HS3ST3B1: variants seen among roughly 807,000 people sequenced by gnomAD.
The protein encoded by HS3ST3B1 is heparan sulfate-glucosamine 3-sulfotransferase 3B1, also known as heparan sulfate glucosamine 3-O-sulfotransferase 3B1.
HS3ST3B1 carries 13 observed loss-of-function variants against 21.3 expected under a neutral mutation model. The observed-to-expected ratio is 0.61, with a 90% CI of 0.40 to 0.97. The LOEUF (loss-of-function observed/expected upper bound fraction) is 0.97. Among genes scored for constraint, HS3ST3B1 ranks in the 50% least tolerant of loss-of-function variants. The probability of loss-of-function intolerance (pLI) is 0.00; values close to 1 mark genes in which losing one functional copy is unlikely to be tolerated. For missense variants in HS3ST3B1, 459 were observed against 554.8 expected (o/e 0.83, Z 1.73); for synonymous variants, 234 against 254.8 (o/e 0.92, Z 0.78).
At chr17:14,322,814 G>A (rs1048727788) in intron 1 of HS3ST3B1, among the ~76,000 whole-genome samples, 2 of 151,624 alleles carry the variant, frequency 1.3e-5, no homozygotes, top group African/African-American at 4.8e-5. Context: ...CTGCTGGGCT[G>A]TGCCAAGGCT....
chr17:14,303,310 G>A lies in HS3ST3B1; in HGVS notation c.554+1238G>A, dbSNP rs113186063. On this transcript the variant is annotated intron_variant, in intron 1 of 1. Coordinates refer to ENST00000360954, the MANE Select transcript of HS3ST3B1 (RefSeq NM_006041.3). This position sits in a 1 kb window ranked among gnomAD's most constrained non-coding sequence, Gnocchi z 5.7. ...AAGATAACTGAACCCCTCTCCCTGT[G>A]CCCACCCCACTGTCGGGACCTGGGT... Among the ~76,000 whole-genome samples, 443 of 152,316 alleles carry A rather than the reference G, an allele frequency of 2.9e-3. 5 individuals carry two copies. Among genetic ancestry groups the A allele is most frequent in the African/African-American group, 0.01 (419 of 41,564 alleles).
intron 1 of HS3ST3B1, among the ~76,000 whole-genome samples, chr17:14,333,481 CAAA>C (rs140666601): frequency 6.7e-6 from 1 of 148,536 alleles, no homozygotes. Flanking sequence ...AAAAAAACAA[CAAA>C]AAAAAACAGA....
At position 14,301,895 on chromosome 17, in the gene HS3ST3B1, C is replaced by A; in HGVS notation, c.377C>A (p.Ser126Tyr). ...GTGCCGGACTCCCCAAGCCCCATCT[C>A]CAGCTTTTTCAGTGGGTCTGGGAGC... The part of the protein sequence containing the change: ...PEVPDSPSPI[S>Y]SFFSGSGSKQ... The change falls in exon 1 of 2, where the codon TCC becomes TAC. Residue 126 changes from serine (S) to tyrosine (Y), a missense_variant. Ser to Tyr is a moderately radical substitution (Grantham distance 144). Transcript: ENST00000360954. 6.2e-7 allele frequency: 1 copy of A among 1,609,082 alleles called. No homozygotes were observed. The highest frequency in any genetic ancestry group is 8.5e-7 in the Non-Finnish European group (1 of 1,178,510).
chr17:14,311,722 C>G (rs1166558662), intron 1 of HS3ST3B1, among the ~76,000 whole-genome samples: 2 of 152,272 alleles, frequency 1.3e-5, no homozygotes, highest in South Asian at 2.1e-4. Context: ...ACTTAAAACA[C>G]TGAGGAAGTA....
intron 1 of HS3ST3B1, among the ~76,000 whole-genome samples, chr17:14,330,917 G>A (rs1315713147): frequency 1.3e-5 from 2 of 152,064 alleles, no homozygotes; most frequent in Non-Finnish European, 2.9e-5. Flanking sequence ...GAGACAAAAC[G>A]TTGGCCCAGC....
chr17:14,319,474 C>G (rs1909592758), intron 1 of HS3ST3B1, among the ~76,000 whole-genome samples: 1 of 152,130 alleles, frequency 6.6e-6, no homozygotes, highest in Non-Finnish European at 1.5e-5. Flanking sequence ...TTCTCTGTAT[C>G]TGAATGTCCA....
At position 14,345,356 on chromosome 17, in the gene HS3ST3B1, G is replaced by C. The variant is rs1311586926; in HGVS notation, c.883G>C (p.Val295Leu). 1.3e-5 allele frequency: 14 copies of C among 1,102,788 alleles called. No homozygotes were observed. In the Admixed American group the frequency reaches 2.4e-4, roughly 19 times the overall value. 68.3% of individuals were successfully genotyped at this position (1,102,788 alleles called of 1,614,324 possible). ...CTTCCCCATCCGCCAGATGCTCTTC[G>C]TGAGCGGCGAGCGGCTCATCAGCGA... is the stretch of plus-strand genomic sequence containing the variant. The part of the protein sequence containing the change: ...RHFPIRQMLF[V>L]SGERLISDPA... Residue 295 changes from valine to leucine, a missense_variant, in exon 2 of 2, where the codon GTG becomes CTG. Around this residue, in one of 3 missense-constraint regions of HS3ST3B1, gnomAD observed 127 missense variants for 209.9 expected, o/e 0.60. Transcript: ENST00000360954.
rs563303813 is a variant in HS3ST3B1 at position 14,308,217 on chromosome 17, A to C, written c.554+6145A>C. Among the ~76,000 whole-genome samples the C allele has an allele frequency of 1.6e-4, 25 of 152,362 alleles. No individual in the cohort carries two copies. In the South Asian group the frequency reaches 5.2e-3, roughly 32 times the overall value. ...TTTTTCTTGTCAAGAGATTTGGGGA[A>C]AAGTTTAAGACGTGAGAAGCAATTA... On this transcript the variant is annotated intron_variant, in intron 1 of 1. Coordinates refer to ENST00000360954, the MANE Select transcript of HS3ST3B1 (RefSeq NM_006041.3).
chr17:14,317,605 A>T (rs912574240), intron 1 of HS3ST3B1, among the ~76,000 whole-genome samples: 2 of 152,140 alleles, frequency 1.3e-5, no homozygotes, highest in Non-Finnish European at 2.9e-5. Flanking sequence ...CAGAATATTC[A>T]GGGCTGGGAA....
In HS3ST3B1 at chr17:14,305,906, G is replaced by A. The variant is rs1909124560; in HGVS notation, c.554+3834G>A. On this transcript the variant is annotated intron_variant, in intron 1 of 1. Transcript: ENST00000360954. ...TACTTTTACAGGTGAGGAAACACAG[G>A]CACAGAGAGGTTAAGCAATTTGCCC... 2.0e-5 allele frequency among the ~76,000 whole-genome samples: 3 copies of A among 152,122 alleles called. No individual in the cohort carries two copies. The South Asian group carries it at 6.2e-4, about 32-fold the overall frequency.
chr17:14,332,722 A>G (rs1399764927), intron 1 of HS3ST3B1, among the ~76,000 whole-genome samples: 1 of 151,760 alleles, frequency 6.6e-6, no homozygotes, highest in African/African-American at 2.4e-5. Context: ...AGCTCCAAGC[A>G]GCTGAGGCCA....
At chr17:14,335,832 T>C (rs1428763727) in intron 1 of HS3ST3B1, among the ~76,000 whole-genome samples, 1 of 152,248 alleles carries the variant, frequency 6.6e-6, no homozygotes, top group Non-Finnish European at 1.5e-5. Flanking sequence ...AAAATCTTCA[T>C]TGGAAGAGGC....
In HS3ST3B1 at chr17:14,301,662, G is replaced by T. The variant is rs778320364; in HGVS notation, c.144G>T (p.Leu48=). Residue 48 remains leucine, a synonymous_variant, in exon 1 of 2, where the codon CTG becomes CTT. Coordinates refer to ENST00000360954, the MANE Select transcript of HS3ST3B1 (RefSeq NM_006041.3). ...AMLCVWLYMF[L]YSCAGSCAAA... ...TCTGCGTCTGGCTCTATATGTTCCT[G>T]TACTCGTGCGCCGGCTCCTGCGCCG... 2 of 1,604,528 alleles carry T rather than the reference G, an allele frequency of 1.2e-6. No individual in the cohort carries two copies. The highest frequency in any genetic ancestry group is 3.4e-5 in the Admixed American group (2 of 59,646).
chr17:14,321,527 G>A (rs1054226906), intron 1 of HS3ST3B1, among the ~76,000 whole-genome samples: 3 of 152,128 alleles, frequency 2.0e-5, no homozygotes, highest in Non-Finnish European at 4.4e-5. Flanking sequence ...GCCCTGGGTC[G>A]GTTCGTGAGC....
chr17:14,338,420 A>T (rs766290688), intron 1 of HS3ST3B1, among the ~76,000 whole-genome samples: 3 of 151,374 alleles, frequency 2.0e-5, no homozygotes, highest in African/African-American at 7.3e-5. Flanking sequence ...CAACACGCCC[A>T]GCCCATATAC....
At chr17:14,342,070 A>G (rs1318202455) in intron 1 of HS3ST3B1, among the ~76,000 whole-genome samples, 5 of 152,194 alleles carry the variant, frequency 3.3e-5, no homozygotes, top group African/African-American at 1.2e-4. Context: ...GCAGTCTGCA[A>G]GAAGGAGTGC....
intron 1 of HS3ST3B1, among the ~76,000 whole-genome samples, chr17:14,311,545 A>G (rs1006055244): frequency 1.3e-5 from 2 of 152,110 alleles, no homozygotes; most frequent in African/African-American, 4.8e-5. Context: ...ACACGCTATC[A>G]CTCAGGGTCC....
rs1057492060 is a variant in HS3ST3B1 at position 14,301,848 on chromosome 17, C to T, written c.330C>T (p.Ser110=). The change falls in exon 1 of 2, where the codon AGC becomes AGT. Residue 110 remains serine, a synonymous_variant. Transcript: ENST00000360954. ...AGGAGATGGCCGAGGGCGCTGCGAG[C>T]CCGGAGGAGCAGAGTCCCGAGGTGC... is the stretch of plus-strand genomic sequence containing the variant. The part of the protein sequence containing the change: ...SGKEMAEGAA[S]PEEQSPEVPD... 2.5e-6 allele frequency: 4 copies of T among 1,592,540 alleles called. No individual in the cohort carries two copies. Among genetic ancestry groups the T allele is most frequent in the Non-Finnish European group, 3.4e-6 (4 of 1,170,884 alleles).
intron 1 of HS3ST3B1, among the ~76,000 whole-genome samples, chr17:14,343,093 T>C (rs1467516054): frequency 1.3e-5 from 2 of 151,778 alleles, no homozygotes; most frequent in African/African-American, 4.8e-5. Context: ...AATACAAAAA[T>C]TAGCCAGGTG....
Sources: gnomAD v4.1 joint callset for allele counts (sites outside exome capture counted in the v4.1 genomes callset) on GRCh38, gnomAD v4.1.1 for gene constraint, gnomAD v4.1.1 regional missense constraint, Gnocchi (gnomAD v3.1) non-coding constraint, MANE v1.5 for transcripts, NCBI Gene and HGNC (gene_info 2026-07-23, HGNC 2026-07-21) for gene names.